The following PRLR variants were observed in gnomAD, a reference collection of about 807,000 sequenced individuals.
PRLR encodes the protein prolactin receptor.
Under a neutral mutation model 40.2 loss-of-function variants are expected in PRLR, and 13 were observed. The ratio of observed to expected loss-of-function variants is 0.32; its 90% CI spans 0.21 to 0.51. The LOEUF is 0.51. PRLR is among the 20% of genes least tolerant of loss of function. PRLR has a pLI of 0.97. For missense variants in PRLR, 656 were observed against 747.3 expected, an observed-to-expected ratio of 0.88 and a Z score of 1.42; for synonymous variants, 269 against 278.7, an observed-to-expected ratio of 0.97 and a Z score of 0.35.
Position 35,206,530 on chromosome 5 carries a change from C to T in PRLR, c.-106+23738G>A, listed in dbSNP as rs188681645. ...ATAAAAAATGTTAAATTATTCTTAC[C>T]AATACTGAGGAAAGGTTGGAAGGAA... On this transcript the variant is annotated intron_variant, in intron 1 of 9. Coordinates refer to ENST00000618457, the MANE Select transcript of PRLR (RefSeq NM_000949.7). Among the ~76,000 whole-genome samples, 107 of 151,874 alleles carry T rather than the reference C, an allele frequency of 7.0e-4. 1 individual carries two copies. The highest frequency in any genetic ancestry group is 8.5e-4 in the Non-Finnish European group (58 of 67,872).
intron 1 of PRLR, among the ~76,000 whole-genome samples, chr5:35,161,428 G>A (rs1774670588): frequency 6.6e-6 from 1 of 152,166 alleles, no homozygotes; most frequent in African/African-American, 2.4e-5. Flanking sequence ...CTAGGAAAGA[G>A]GCCTAGGCAG....
chr5:35,053,190 T>C (rs150497729), downstream of PRLR, among the ~76,000 whole-genome samples: 1,027 of 152,038 alleles, frequency 6.8e-3, 13 homozygotes, highest in African/African-American at 0.024. Flanking sequence ...GGAAGCCCAA[T>C]AAAATAGATC....
chr5:35,196,979 C>A (rs957206203), intron 1 of PRLR, among the ~76,000 whole-genome samples: 2 of 152,038 alleles, frequency 1.3e-5, no homozygotes, highest in African/African-American at 2.4e-5. Flanking sequence ...CTTTTGTAAG[C>A]GCACTAATCT....
In PRLR at chr5:35,065,978, G is replaced by A. The variant is rs778171460; in HGVS notation, c.980C>T (p.Ser327Leu). 1 of 1,614,022 alleles carries A rather than the reference G, an allele frequency of 6.2e-7. No homozygotes were observed. Among genetic ancestry groups the A allele is most frequent in the African/African-American group, 1.3e-5 (1 of 74,912 alleles). The stretch of plus-strand genomic sequence containing the variant: ...ACTTGGGTGTTCTTTTGAATGGACT[G>A]ACATTAGATGCTGGTCCTCACTATC... ...VDDSEDQHLM[S>L]VHSKEHPSQG... Residue 327 changes from serine (S) to leucine (L), a missense_variant, in exon 10 of 10, where the codon TCA becomes TTA. By Grantham distance (145) the Ser-to-Leu change is moderately radical. Transcript: ENST00000618457.
chr5:35,141,845 C>A (rs949257428), intron 1 of PRLR, among the ~76,000 whole-genome samples: 2 of 152,180 alleles, frequency 1.3e-5, no homozygotes, highest in Non-Finnish European at 2.9e-5. Context: ...GCCCCTGGAC[C>A]ACTCTATCAT....
chr5:35,117,742 G>A (rs183199135), intron 2 of PRLR, among the ~76,000 whole-genome samples: 1 of 152,266 alleles, frequency 6.6e-6, no homozygotes, highest in Admixed American at 6.5e-5. Flanking sequence ...AGTCATTGTC[G>A]ATAATCTCTC....
At chr5:35,100,424 G>A (rs1011709753) in intron 2 of PRLR, among the ~76,000 whole-genome samples, 1 of 152,084 alleles carries the variant, frequency 6.6e-6, no homozygotes. Context: ...TTTATTCATG[G>A]TAAGTACCCT....
At chr5:35,087,130 A>T (rs1284159777) in intron 3 of PRLR, among the ~76,000 whole-genome samples, 1 of 152,112 alleles carries the variant, frequency 6.6e-6, no homozygotes, top group Non-Finnish European at 1.5e-5. Context: ...AGCTGGGATT[A>T]CAGGTGCACA....
At chr5:35,153,588 A>G (rs1774399765) in intron 1 of PRLR, among the ~76,000 whole-genome samples, 1 of 152,198 alleles carries the variant, frequency 6.6e-6, no homozygotes, top group Non-Finnish European at 1.5e-5. Context: ...TTTGCAAGCC[A>G]ATTATTCATA....
intron 1 of PRLR, among the ~76,000 whole-genome samples, chr5:35,127,359 A>G (rs1773505185): frequency 6.6e-6 from 1 of 152,242 alleles, no homozygotes; most frequent in Non-Finnish European, 1.5e-5. Context: ...CACTCTATTA[A>G]GATAGTTGAA....
chr5:35,068,974 C>A (rs1194209667), intron 7 of PRLR, 96 bp from the exon 8 acceptor site: 2 of 839,614 alleles, frequency 2.4e-6, no homozygotes, highest in Admixed American at 4.8e-5. Context: ...AGAGTGTTTT[C>A]CTCCATTCAT....
At position 35,191,048 on chromosome 5, in the gene PRLR, C is replaced by CTTTT. The variant is rs869174221; in HGVS notation, c.-106+39216_-106+39219dup. Reference sequence around the variant, plus strand: ...ATCCAATTAACAGATGTGTTATTTTCTTTTTTTTTTTTTTTTTTTTTTTTT... The same window carrying CTTTT: ...ATCCAATTAACAGATGTGTTATTTTCTTTTTTTTTTTTTTTTTTTTTTTTTTTTT... On this transcript the variant is annotated intron_variant, in intron 1 of 9. Transcript: ENST00000618457. 1.1e-3 allele frequency among the ~76,000 whole-genome samples: 73 copies of CTTTT among 68,166 alleles called. 6 individuals carry two copies. Among genetic ancestry groups the CTTTT allele is most frequent in the East Asian group, 7.1e-3 (14 of 1,960 alleles). The allele number at this position is 68,166 out of a possible 152,430, so 44.7% of individuals were successfully genotyped here. A position where few individuals can be genotyped will look rare whatever the true frequency, so the allele number is the denominator to read the frequency against.
At chr5:35,155,817 C>A (rs554298288) in intron 1 of PRLR, among the ~76,000 whole-genome samples, 1 of 152,294 alleles carries the variant, frequency 6.6e-6, no homozygotes, top group African/African-American at 2.4e-5. Context: ...TACAAAGGTA[C>A]TTCTAACTCA....
intron 1 of PRLR, among the ~76,000 whole-genome samples, chr5:35,141,744 T>C (rs1774030724): frequency 6.6e-6 from 1 of 152,154 alleles, no homozygotes; most frequent in African/African-American, 2.4e-5. Context: ...CCCCACACTC[T>C]AAGTCTAGTC....
chr5:35,114,644 G>C (rs1174328017), intron 2 of PRLR, among the ~76,000 whole-genome samples: 1 of 152,170 alleles, frequency 6.6e-6, no homozygotes, highest in Non-Finnish European at 1.5e-5. Flanking sequence ...GTGTCACTAG[G>C]GTGGAGATTT....
chr5:35,050,948 G>C (rs2112322237), downstream of PRLR, among the ~76,000 whole-genome samples: 1 of 152,290 alleles, frequency 6.6e-6, no homozygotes, highest in Non-Finnish European at 1.5e-5. Flanking sequence ...TTCAGACTGA[G>C]GTGCAGAGAT....
At chr5:35,179,758 G>A (rs1775244108) in intron 1 of PRLR, among the ~76,000 whole-genome samples, 1 of 152,136 alleles carries the variant, frequency 6.6e-6, no homozygotes, top group African/African-American at 2.4e-5. Context: ...GGAGGTGACT[G>A]GATCATGGGT....
At chr5:35,071,804 T>C (rs1769758258) in intron 6 of PRLR, among the ~76,000 whole-genome samples, 1 of 152,148 alleles carries the variant, frequency 6.6e-6, no homozygotes, top group South Asian at 2.1e-4. Context: ...TTTGCCATGT[T>C]GGTCAGGCTG....
At position 35,177,224 on chromosome 5, in the gene PRLR, T is replaced by C. The variant is rs1036258864; in HGVS notation, c.-106+53044A>G. ...GAGGCTGGCGGGATCCTCCATATGC[T>C]GAACGCTGGTTCCCCGGGTCCCCTT... On this transcript the variant is annotated intron_variant, in intron 1 of 9. Transcript: ENST00000618457. 3.9e-5 allele frequency among the ~76,000 whole-genome samples: 6 copies of C among 152,236 alleles called. No individual in the cohort carries two copies. The East Asian group carries it at 1.2e-3, about 29-fold the overall frequency.
Sources: gnomAD v4.1 joint callset for allele counts (sites outside exome capture counted in the v4.1 genomes callset) on GRCh38, gnomAD v4.1.1 for gene constraint, MANE v1.5 for transcripts, NCBI Gene and HGNC (gene_info 2026-07-23, HGNC 2026-07-21) for gene names.